Variants in NDFIP2 observed in about 807,000 individuals in gnomAD.
The protein encoded by NDFIP2 is NEDD4 family-interacting protein 2.
NDFIP2 carries 19 observed loss-of-function variants against 36.0 expected under a neutral mutation model. That is an observed-to-expected ratio of 0.53 (90% CI 0.37 to 0.77). The LOEUF (loss-of-function observed/expected upper bound fraction) is 0.77, where lower values mean the gene tolerates loss of function less well. NDFIP2 is among the 30% of genes least tolerant of loss of function. The pLI is 0.00. For synonymous variants in NDFIP2, 181 were observed against 167.7 expected, an observed-to-expected ratio of 1.08 and a Z score of -0.61; for missense variants, 446 against 435.8, an observed-to-expected ratio of 1.02 and a Z score of -0.21.
In NDFIP2 at chr13:79,543,573, A is replaced by G. The variant is rs149607151; in HGVS notation, c.731A>G (p.Asn244Ser). ...TTGCTTTTAGTGGCATTTATTTTCAACTGGCTTGGATTTTGTTTATCCTTC... is the reference window on the plus strand; with the variant it reads ...TTGCTTTTAGTGGCATTTATTTTCAGCTGGCTTGGATTTTGTTTATCCTTC... ...MLAFFMAFIF[N>S]WLGFCLSFCI... Residue 244 changes from asparagine (N) to serine (S), a missense_variant, in exon 5 of 8, where the codon AAC becomes AGC. Coordinates refer to ENST00000218652, the MANE Select transcript of NDFIP2 (RefSeq NM_019080.3). The G allele has an allele frequency of 2.5e-5, 40 of 1,613,676 alleles. No homozygotes were observed. The highest frequency in any genetic ancestry group is 3.3e-5 in the Non-Finnish European group (39 of 1,179,774).
chr13:79,544,025 G>A (rs1006971064), intron 5 of NDFIP2, among the ~76,000 whole-genome samples: 4 of 152,028 alleles, frequency 2.6e-5, no homozygotes, highest in Non-Finnish European at 5.9e-5. Context: ...ATGAGGTATG[G>A]AAATAATGTA....
chr13:79,544,342 C>T (rs955110123), intron 5 of NDFIP2, among the ~76,000 whole-genome samples: 5 of 152,092 alleles, frequency 3.3e-5, no homozygotes, highest in South Asian at 2.1e-4. Context: ...CAAGATAGTG[C>T]GTAGGGAGAC....
At chr13:79,505,518 T>C (rs189542227) in intron 1 of NDFIP2, among the ~76,000 whole-genome samples, 8 of 151,796 alleles carry the variant, frequency 5.3e-5, no homozygotes, top group African/African-American at 1.9e-4. Context: ...TTGTCCCAGA[T>C]ACTTGGGAGG....
At chr13:79,543,454 A>C in intron 4 of NDFIP2, 104 bp from the exon 5 acceptor site, 1 of 1,418,252 alleles carries the variant, frequency 7.1e-7, no homozygotes, top group Non-Finnish European at 9.7e-7. Context: ...AGTTAAAAGA[A>C]AGGGAGCTGC....
At chr13:79,485,784 C>G (rs1872958797) in intron 1 of NDFIP2, among the ~76,000 whole-genome samples, 1 of 152,178 alleles carries the variant, frequency 6.6e-6, no homozygotes, top group Non-Finnish European at 1.5e-5. Flanking sequence ...CTTTCTACTT[C>G]TCTTGACTTT....
intron 4 of NDFIP2, 133 bp downstream of exon 4, chr13:79,539,908 A>G (rs774114595): frequency 3.1e-5 from 21 of 671,238 alleles, no homozygotes; most frequent in Non-Finnish European, 5.2e-5. Flanking sequence ...TGTTCCTGAT[A>G]TTGGACTAAT....
At chr13:79,531,048 A>G (rs764286262) in intron 2 of NDFIP2, among the ~76,000 whole-genome samples, 7 of 152,194 alleles carry the variant, frequency 4.6e-5, no homozygotes, top group Non-Finnish European at 8.8e-5. Flanking sequence ...AAATCATAAG[A>G]CTTGAAAGTC....
At position 79,553,660 on chromosome 13, in the gene NDFIP2, C is replaced by T. The variant is rs1875991017; in HGVS notation, c.*1147C>T. ...ATCCTGAACTGAGATATGCAAAATA[C>T]TCATTTTCAAGTTATGGAAATGTGT... On this transcript the variant is annotated 3_prime_UTR_variant, in exon 8 of 8. Transcript: ENST00000218652. The T allele has an allele frequency of 6.6e-6, 1 of 151,822 alleles. No homozygotes were observed. Among genetic ancestry groups the T allele is most frequent in the Non-Finnish European group, 1.5e-5 (1 of 67,498 alleles). The allele number at this position is 151,822 out of a possible 1,614,324, so 9.4% of individuals were successfully genotyped here. A position where few individuals can be genotyped will look rare whatever the true frequency, so the allele number is the denominator to read the frequency against.
chr13:79,521,048 G>A, intron 2 of NDFIP2, 73 bp downstream of exon 2: 2 of 1,270,704 alleles, frequency 1.6e-6, no homozygotes, highest in East Asian at 2.4e-5. Context: ...TAATTATCAT[G>A]TCTGTTAATG....
At chr13:79,546,729 CA>C (rs1407619101) in intron 5 of NDFIP2, among the ~76,000 whole-genome samples, 1 of 152,126 alleles carries the variant, frequency 6.6e-6, no homozygotes, top group Non-Finnish European at 1.5e-5. Context: ...TTATGGTAAA[CA>C]TTTTTGGTGA....
chr13:79,509,356 T>G (rs1424112441), intron 1 of NDFIP2, among the ~76,000 whole-genome samples: 2 of 152,112 alleles, frequency 1.3e-5, no homozygotes, highest in Non-Finnish European at 2.9e-5. Flanking sequence ...ATTGGTTGAG[T>G]TATTATCTAA....
intron 1 of NDFIP2, among the ~76,000 whole-genome samples, chr13:79,504,803 A>G (rs1016088545): frequency 3.3e-5 from 5 of 151,866 alleles, no homozygotes; most frequent in Non-Finnish European, 7.4e-5. Context: ...TCCTAATTCC[A>G]TTTTTTTCTA....
intron 2 of NDFIP2, among the ~76,000 whole-genome samples, chr13:79,531,250 G>A (rs768292448): frequency 2.0e-5 from 3 of 152,172 alleles, no homozygotes; most frequent in Non-Finnish European, 4.4e-5. Flanking sequence ...AGTAAACCAT[G>A]CTATAAACAG....
intron 2 of NDFIP2, among the ~76,000 whole-genome samples, chr13:79,521,774 A>T (rs1874591293): frequency 6.6e-6 from 1 of 150,510 alleles, no homozygotes; most frequent in African/African-American, 2.4e-5. Context: ...TGGTGTCCTC[A>T]CTAATGAAGC....
chr13:79,525,848 A>C (rs1327602237), intron 2 of NDFIP2, among the ~76,000 whole-genome samples: 2 of 152,228 alleles, frequency 1.3e-5, no homozygotes, highest in African/African-American at 4.8e-5. Flanking sequence ...ATAAGGCAGA[A>C]CTATTGTATA....
intron 3 of NDFIP2, among the ~76,000 whole-genome samples, chr13:79,536,157 A>G (rs940970082): frequency 3.3e-5 from 5 of 152,228 alleles, no homozygotes; most frequent in South Asian, 2.1e-4. Context: ...TAATATTTCT[A>G]TGAAAAATGC....
chr13:79,508,180 C>A (rs369642585), intron 1 of NDFIP2, among the ~76,000 whole-genome samples: 1 of 152,136 alleles, frequency 6.6e-6, no homozygotes, highest in African/African-American at 2.4e-5. Flanking sequence ...AAGTTTCTTA[C>A]TATTACAAAT....
intron 2 of NDFIP2, among the ~76,000 whole-genome samples, chr13:79,521,660 G>C (rs1398569796): frequency 6.6e-6 from 1 of 151,968 alleles, no homozygotes; most frequent in Non-Finnish European, 1.5e-5. Context: ...ATTAATGCCA[G>C]CTTTCTCTGG....
Position 79,520,978 on chromosome 13 carries a change from A to G in NDFIP2, c.487+3A>G, listed in dbSNP as rs1247489790. ...TGTGGAAGTACCTACAACTTCAGGT[A>G]TGAAACATCTAGTAATGTTTTTATT... On this transcript the variant is annotated splice_donor_region_variant and intron_variant, in intron 2 of 7. Coordinates refer to ENST00000218652, the MANE Select transcript of NDFIP2 (RefSeq NM_019080.3). 1 of 1,580,738 alleles carries G rather than the reference A, an allele frequency of 6.3e-7. No individual in the cohort carries two copies. The highest frequency in any genetic ancestry group is 2.2e-5 in the East Asian group (1 of 44,492).
Sources: gnomAD v4.1 joint callset for allele counts (sites outside exome capture counted in the v4.1 genomes callset) on GRCh38, gnomAD v4.1.1 for gene constraint, MANE v1.5 for transcripts, NCBI Gene and HGNC (gene_info 2026-07-23, HGNC 2026-07-21) for gene names.